Variants in PARD3B observed in about 807,000 individuals in gnomAD.
The protein encoded by PARD3B is par-3 family cell polarity regulator beta, also known as partitioning defective 3 homolog B.
In PARD3B, 103 loss-of-function variants were observed where a neutral mutation model predicts 130.2. The ratio of observed to expected loss-of-function variants is 0.79; its 90% confidence interval spans 0.67 to 0.93. PARD3B has a LOEUF of 0.93. Ranked by LOEUF, PARD3B falls within the 40% of genes least tolerant of loss-of-function variation. PARD3B has a pLI of 0.00. For synonymous variants in PARD3B, 583 were observed against 553.2 expected, an observed-to-expected ratio of 1.05 and a Z score of -0.76; for missense variants, 1,609 against 1,499.2, an observed-to-expected ratio of 1.07 and a Z score of -1.21.
chr2:204,553,537 G>GGTGTGTGTGTGT, intron 1 of PARD3B, among the ~76,000 whole-genome samples: 1 of 136,066 alleles, frequency 7.3e-6, no homozygotes. Flanking sequence ...GAATCTGTGG[G>GGTGTGTGTGTGT]GTGTGTGTGT....
chr2:205,370,510 C>G (rs983361241), intron 18 of PARD3B, among the ~76,000 whole-genome samples: 18 of 152,102 alleles, frequency 1.2e-4, no homozygotes, highest in Non-Finnish European at 2.1e-4. Flanking sequence ...TCGAGGAAGG[C>G]AGGGATGGCC....
intron 2 of PARD3B, among the ~76,000 whole-genome samples, chr2:204,904,753 A>G (rs532963142): frequency 6.6e-6 from 1 of 152,082 alleles, no homozygotes; most frequent in South Asian, 2.1e-4. Context: ...GATGTTAAAT[A>G]TGTTCTCTAC....
At chr2:205,459,217 T>C (rs917284462) in intron 20 of PARD3B, among the ~76,000 whole-genome samples, 3 of 152,198 alleles carry the variant, frequency 2.0e-5, no homozygotes, top group African/African-American at 7.2e-5. Context: ...TGTGCTTACC[T>C]ACCTACCTTT....
intron 2 of PARD3B, among the ~76,000 whole-genome samples, chr2:204,773,808 C>A (rs1441972528): frequency 1.3e-5 from 2 of 152,008 alleles, no homozygotes; most frequent in African/African-American, 2.4e-5. Context: ...CTTCCACGTA[C>A]CCCGCTCTCA....
At chr2:205,131,105 T>C (rs1369798704) in intron 10 of PARD3B, among the ~76,000 whole-genome samples, 2 of 152,200 alleles carry the variant, frequency 1.3e-5, no homozygotes, top group Non-Finnish European at 2.9e-5. Context: ...ATTTAAATGA[T>C]ATATTATTTC....
intron 15 of PARD3B, among the ~76,000 whole-genome samples, chr2:205,212,037 A>G (rs1200001634): frequency 1.3e-5 from 2 of 152,156 alleles, no homozygotes; most frequent in African/African-American, 2.4e-5. Flanking sequence ...GCTTTAATAA[A>G]TAAGTAGATG....
At chr2:204,764,506 C>T (rs2041049937) in intron 2 of PARD3B, among the ~76,000 whole-genome samples, 1 of 152,148 alleles carries the variant, frequency 6.6e-6, no homozygotes, top group South Asian at 2.1e-4. Context: ...CGAGGACCCA[C>T]CCTAACTGCC....
At chr2:205,135,213 G>C (rs2032376786) in intron 10 of PARD3B, among the ~76,000 whole-genome samples, 2 of 152,174 alleles carry the variant, frequency 1.3e-5, no homozygotes, top group African/African-American at 4.8e-5. Context: ...ATTTAGGCCA[G>C]CTGTTGATTT....
chr2:205,127,103 C>A (rs1247325698), intron 10 of PARD3B, among the ~76,000 whole-genome samples: 1 of 151,786 alleles, frequency 6.6e-6, no homozygotes, highest in African/African-American at 2.4e-5. Flanking sequence ...AGTTCGAAAC[C>A]TGACCAGTAT....
At chr2:204,954,189 G>T (rs1690043511) in intron 2 of PARD3B, among the ~76,000 whole-genome samples, 1 of 152,138 alleles carries the variant, frequency 6.6e-6, no homozygotes, top group African/African-American at 2.4e-5. Flanking sequence ...TAAAGGAAAA[G>T]GTTAGCACTT....
At chr2:205,319,874 A>G (rs1226858142) in intron 18 of PARD3B, among the ~76,000 whole-genome samples, 1 of 152,070 alleles carries the variant, frequency 6.6e-6, no homozygotes, top group East Asian at 1.9e-4. Context: ...TTTTTTGCCC[A>G]AAATATTTAT....
chr2:205,323,819 T>C (rs549799537), intron 18 of PARD3B, among the ~76,000 whole-genome samples: 23 of 152,312 alleles, frequency 1.5e-4, no homozygotes, highest in African/African-American at 5.1e-4. Flanking sequence ...CAGTGTTATG[T>C]CTACTGCAGA....
At position 205,562,003 on chromosome 2, in the gene PARD3B, A is replaced by C. The variant is rs376085412; in HGVS notation, c.3260+8600A>C. 1.5e-4 allele frequency among the ~76,000 whole-genome samples: 23 copies of C among 152,328 alleles called. 1 individual carries two copies. The South Asian group carries it at 3.1e-3, about 21-fold the overall frequency. ...CCACCTCAGTCTTAAGGCCAAGGAC[A>C]AAATGATGAATTAGCAGCGATTTAA... On this transcript the variant is annotated intron_variant, in intron 22 of 22. Transcript: ENST00000406610. The surrounding 1 kb of genome is among the most constrained non-coding windows in gnomAD (Gnocchi z 5.4).
chr2:205,416,690 C>G (rs190485086), intron 19 of PARD3B, among the ~76,000 whole-genome samples: 5 of 151,862 alleles, frequency 3.3e-5, no homozygotes, highest in African/African-American at 1.2e-4. Flanking sequence ...AAACTATGCC[C>G]CTTTATGGAA....
At chr2:205,110,734 C>T (rs192478737) in intron 5 of PARD3B, among the ~76,000 whole-genome samples, 1 of 151,610 alleles carries the variant, frequency 6.6e-6, no homozygotes, top group African/African-American at 2.4e-5. Context: ...TTAAACCAAC[C>T]TTCTAGCTTA....
At chr2:205,373,534 G>C (rs950736136) in intron 18 of PARD3B, among the ~76,000 whole-genome samples, 2 of 152,098 alleles carry the variant, frequency 1.3e-5, no homozygotes, top group Admixed American at 1.3e-4. Flanking sequence ...ACCATTCCAA[G>C]TGAAAAGGAA....
intron 16 of PARD3B, among the ~76,000 whole-genome samples, chr2:205,247,125 C>T (rs2039606292): frequency 6.6e-6 from 1 of 152,116 alleles, no homozygotes; most frequent in African/African-American, 2.4e-5. Context: ...CTGGGATAGG[C>T]TTCAAGGCAA....
At position 205,291,802 on chromosome 2, in the gene PARD3B, A is replaced by G. The variant is rs2041616939; in HGVS notation, c.2186-8728A>G. Reference sequence around the variant, plus strand: ...AAAAGTCTGAAAAAGCCTGTTTGGGAAAGAATACTAAGGATGTGGTCAAAC... The same window carrying G: ...AAAAGTCTGAAAAAGCCTGTTTGGGGAAGAATACTAAGGATGTGGTCAAAC... On this transcript the variant is annotated intron_variant, in intron 16 of 22. Transcript: ENST00000406610. This position sits in a 1 kb window ranked among gnomAD's most constrained non-coding sequence, Gnocchi z 4.6. 6.6e-6 allele frequency among the ~76,000 whole-genome samples: 1 copy of G among 152,210 alleles called. No homozygotes were observed. The highest frequency in any genetic ancestry group is 2.4e-5 in the African/African-American group (1 of 41,448).
At chr2:204,809,556 T>C (rs2042892012) in intron 2 of PARD3B, among the ~76,000 whole-genome samples, 1 of 152,150 alleles carries the variant, frequency 6.6e-6, no homozygotes, top group Non-Finnish European at 1.5e-5. Context: ...GTCATAGATG[T>C]GTGGCCTTAT....
Sources: gnomAD v4.1 joint callset for allele counts (sites outside exome capture counted in the v4.1 genomes callset) on GRCh38, gnomAD v4.1.1 for gene constraint, Gnocchi (gnomAD v3.1) non-coding constraint, MANE v1.5 for transcripts, NCBI Gene and HGNC (gene_info 2026-07-23, HGNC 2026-07-21) for gene names.